Variants in MESP1 observed in about 807,000 individuals in gnomAD.
MESP1 encodes mesoderm posterior protein 1.
MESP1 carries 22 observed loss-of-function variants against 15.2 expected under a neutral mutation model. That is an observed-to-expected ratio of 1.45 (90% CI 1.04 to 2.07). The LOEUF (loss-of-function observed/expected upper bound fraction) is 2.07. Ranked by LOEUF, MESP1 falls within the 30% of genes most tolerant of loss-of-function variation. The probability of loss-of-function intolerance (pLI) is 0.00; values close to 1 mark genes in which losing one functional copy is unlikely to be tolerated. For missense variants in MESP1, 484 were observed against 411.9 expected (o/e 1.17, Z -1.51); for synonymous variants, 216 against 192.6 (o/e 1.12, Z -1.01).
the MESP1 span, chr15:89,732,980 C>A: frequency 2.5e-6 from 4 of 1,610,608 alleles, no homozygotes; most frequent in South Asian, 4.4e-5. Flanking sequence ...CGTTTTCTGA[C>A]CGGCTTGTGT....
chr15:89,736,981 C>T, the MESP1 span, among the ~76,000 whole-genome samples: 30 of 152,112 alleles, frequency 2.0e-4, no homozygotes, highest in Admixed American at 1.1e-3. Flanking sequence ...TTAGTAGAGA[C>T]GAGGTTTCAC....
chr15:89,737,538 G>A, the MESP1 span: 5 of 1,613,570 alleles, frequency 3.1e-6, no homozygotes, highest in Non-Finnish European at 4.2e-6. Context: ...ACAGAGTCCA[G>A]TAGAAGCCCC....
chr15:89,744,223 A>G, the MESP1 span, among the ~76,000 whole-genome samples: 2 of 152,206 alleles, frequency 1.3e-5, no homozygotes, highest in East Asian at 3.8e-4. Flanking sequence ...GCTGTTTTGC[A>G]GCCCCATCCA....
chr15:89,747,978 T>C (rs1490537604), downstream of MESP1, among the ~76,000 whole-genome samples: 1 of 152,166 alleles, frequency 6.6e-6, no homozygotes, highest in Non-Finnish European at 1.5e-5. Context: ...GTCCCCTGCC[T>C]ATCTCCAGTC....
the MESP1 span, among the ~76,000 whole-genome samples, chr15:89,740,506 T>C: frequency 6.6e-6 from 1 of 151,536 alleles, no homozygotes; most frequent in Non-Finnish European, 1.5e-5. Context: ...TTTTTGTTTT[T>C]GTTTTTGTTT....
intron 1 of MESP1, 61 bp from the exon 2 acceptor site, chr15:89,750,288 C>A: frequency 6.3e-7 from 1 of 1,596,712 alleles, no homozygotes; most frequent in South Asian, 1.1e-5. Flanking sequence ...CGGGTGTCCG[C>A]GCTCGTGGGC....
chr15:89,736,076 G>A, the MESP1 span, among the ~76,000 whole-genome samples: 4 of 152,336 alleles, frequency 2.6e-5, no homozygotes, highest in South Asian at 8.3e-4. Flanking sequence ...CTGCGCAGAA[G>A]GATACAGATG....
At chr15:89,734,083 G>A in the MESP1 span, among the ~76,000 whole-genome samples, 1,043 of 152,188 alleles carry the variant, frequency 6.9e-3, 9 homozygotes, top group African/African-American at 0.023. Flanking sequence ...GAAACCGTTG[G>A]AAATCGATAA....
At chr15:89,747,771 G>C (rs973333396), downstream of MESP1, among the ~76,000 whole-genome samples, 2 of 152,254 alleles carry the variant, frequency 1.3e-5, no homozygotes, top group Admixed American at 1.3e-4. Flanking sequence ...TGTTCTTAAA[G>C]TGGCCCTGCA....
Position 89,751,144 on chromosome 15 carries a change from T to TGTCGGAGGG in MESP1, c.79_87dup (p.Pro27_Asp29dup), listed in dbSNP as rs752416885. On this transcript the variant is annotated inframe_insertion, in exon 1 of 2. Transcript: ENST00000300057. ...GAGACGAGGGAGCGGCCGCAGTCCT[T>TGTCGGAGGG]GTCGGAGGGCGGCGGCCGCCGAGTT... The TGTCGGAGGG allele has an allele frequency of 1.6e-5, 20 of 1,270,196 alleles. No individual in the cohort carries two copies. Among genetic ancestry groups the TGTCGGAGGG allele is most frequent in the Non-Finnish European group, 2.0e-5 (20 of 1,011,174 alleles). 78.7% of individuals were successfully genotyped at this position (1,270,196 alleles called of 1,614,324 possible).
chr15:89,750,426 G>C, intron 1 of MESP1, 83 bp downstream of exon 1: 5 of 1,462,116 alleles, frequency 3.4e-6, no homozygotes, highest in South Asian at 1.4e-5. Flanking sequence ...GGGAGCAGCA[G>C]GGTGCCTGGT....
chr15:89,738,243 A>C, the MESP1 span: 3 of 1,589,894 alleles, frequency 1.9e-6, no homozygotes, highest in African/African-American at 4.1e-5. Flanking sequence ...AGAGGTAAAG[A>C]GCTCTGTGTC....
rs1434118768 is a variant in MESP1, at chr15:89,750,585, G to A, written c.647C>T (p.Pro216Leu). 2 of 1,415,016 alleles carry A rather than the reference G, an allele frequency of 1.4e-6. No individual in the cohort carries two copies. The highest frequency in any genetic ancestry group is 3.0e-5 in the African/African-American group (2 of 66,232). The allele number at this position is 1,415,016 out of a possible 1,614,324, so 87.7% of individuals were successfully genotyped here. A position where few individuals can be genotyped will look rare whatever the true frequency, so the allele number is the denominator to read the frequency against. Reference sequence around the variant, plus strand: ...GGCGAACAGCGCAGGCGGGTCGCGCGGCTCGGGTGCAGCTCGGGCTCCGGG... The same window carrying A: ...GGCGAACAGCGCAGGCGGGTCGCGCAGCTCGGGTGCAGCTCGGGCTCCGGG... ...ACPGARAAPEPRDPPALFAEA... is the reference protein window; with the variant it reads ...ACPGARAAPELRDPPALFAEA... Residue 216 changes from proline (P) to leucine (L), a missense_variant, in exon 1 of 2, where the codon CCG becomes CTG. Coordinates refer to ENST00000300057, the MANE Select transcript of MESP1 (RefSeq NM_018670.4).
Position 89,750,497 on chromosome 15 carries a change from G to A in MESP1, c.723+12C>T, listed in dbSNP as rs1968064920. On this transcript the variant is annotated intron_variant, in intron 1 of 1. Coordinates refer to ENST00000300057, the MANE Select transcript of MESP1 (RefSeq NM_018670.4). ...GCACGGACGAAGGGGGCGCGGGGAA[G>A]GGGACACTAACCGGGGACGGTGGGC... is the stretch of plus-strand genomic sequence containing the variant. The A allele has an allele frequency of 2.7e-6, 4 of 1,495,286 alleles. No individual in the cohort carries two copies. Among genetic ancestry groups the A allele is most frequent in the Non-Finnish European group, 3.5e-6 (4 of 1,130,612 alleles). 92.6% of individuals were successfully genotyped at this position (1,495,286 alleles called of 1,614,324 possible).
At chr15:89,748,079 G>A (rs1221582469), downstream of MESP1, among the ~76,000 whole-genome samples, 5 of 152,230 alleles carry the variant, frequency 3.3e-5, no homozygotes, top group Admixed American at 6.5e-5. Context: ...GCTCAGAGGC[G>A]GAGGAGAAGC....
At chr15:89,735,440 C>T in the MESP1 span, 1 of 1,589,542 alleles carries the variant, frequency 6.3e-7, no homozygotes, top group East Asian at 2.2e-5. Context: ...GATATCAAAA[C>T]TTTTAAACTC....
the MESP1 span, chr15:89,743,392 G>A: frequency 9.3e-6 from 15 of 1,614,106 alleles, no homozygotes; most frequent in Non-Finnish European, 1.3e-5. Flanking sequence ...CAAGAAGTGA[G>A]GCTGCCACCG....
the MESP1 span, chr15:89,735,613 T>A: frequency 6.5e-7 from 1 of 1,532,140 alleles, no homozygotes; most frequent in Non-Finnish European, 9.0e-7. Context: ...TCTGTGAATG[T>A]GTTCATCTGT....
the MESP1 span, among the ~76,000 whole-genome samples, chr15:89,742,659 G>A: frequency 6.6e-6 from 1 of 152,046 alleles, no homozygotes; most frequent in East Asian, 1.9e-4. Context: ...TCAGCCTCCT[G>A]AGTAGCTGGC....
Sources: gnomAD v4.1 joint callset for allele counts (sites outside exome capture counted in the v4.1 genomes callset) on GRCh38, gnomAD v4.1.1 for gene constraint, MANE v1.5 for transcripts, NCBI Gene and HGNC (gene_info 2026-07-23, HGNC 2026-07-21) for gene names.